Variants in PRKCA observed in about 807,000 individuals in gnomAD.
PRKCA encodes the protein protein kinase C alpha type.
Under a neutral mutation model 87.0 loss-of-function variants are expected in PRKCA, and 27 were observed. That is an observed-to-expected ratio of 0.31 (90% CI 0.23 to 0.43). PRKCA has a LOEUF of 0.43. Ranked by LOEUF, PRKCA falls within the 20% of genes least tolerant of loss-of-function variation. The probability of loss-of-function intolerance (pLI) is 1.00; values close to 1 mark genes in which losing one functional copy is unlikely to be tolerated. For missense variants in PRKCA, 518 were observed against 852.3 expected, an observed-to-expected ratio of 0.61 and a Z score of 4.88; for synonymous variants, 329 against 311.1, an observed-to-expected ratio of 1.06 and a Z score of -0.61.
At chr17:66,315,844 T>G (rs1001314073) in intron 2 of PRKCA, among the ~76,000 whole-genome samples, 1 of 152,250 alleles carries the variant, frequency 6.6e-6, no homozygotes, top group African/African-American at 2.4e-5. Context: ...GCTTATGGCC[T>G]GATACATGGA....
At chr17:66,620,728 A>G (rs988240535) in intron 3 of PRKCA, among the ~76,000 whole-genome samples, 1 of 152,208 alleles carries the variant, frequency 6.6e-6, no homozygotes, top group African/African-American at 2.4e-5. Context: ...TCCCATACAG[A>G]TAGCTCACTA....
At chr17:66,672,169 C>G (rs1972206215) in intron 5 of PRKCA, among the ~76,000 whole-genome samples, 1 of 152,230 alleles carries the variant, frequency 6.6e-6, no homozygotes, top group African/African-American at 2.4e-5. Context: ...TTAAGCTTCT[C>G]TGTTTCTAGA....
At chr17:66,496,771 G>A (rs1238468912) in intron 3 of PRKCA, among the ~76,000 whole-genome samples, 1 of 152,042 alleles carries the variant, frequency 6.6e-6, no homozygotes, top group Non-Finnish European at 1.5e-5. Flanking sequence ...AGCCTCCTGA[G>A]TAGCTGGCAC....
intron 14 of PRKCA, chr17:66,775,556 A>G (rs895411052): frequency 1.0e-6 from 1 of 985,316 alleles, no homozygotes; most frequent in Non-Finnish European, 1.2e-6. Context: ...TGCCGTGGGC[A>G]GCTTTTTATA....
chr17:66,692,354 G>A (rs572542390), intron 8 of PRKCA, among the ~76,000 whole-genome samples: 11 of 152,316 alleles, frequency 7.2e-5, no homozygotes, highest in East Asian at 3.9e-4. Flanking sequence ...AGAGGATGGC[G>A]TCAAAAAGAT....
intron 16 of PRKCA, among the ~76,000 whole-genome samples, chr17:66,793,367 A>T (rs564742469): frequency 6.6e-6 from 1 of 152,186 alleles, no homozygotes; most frequent in Admixed American, 6.5e-5. Flanking sequence ...AGGCAGGTGG[A>T]TCTCCTGAGG....
At chr17:66,752,573 G>A (rs1974461297) in intron 13 of PRKCA, among the ~76,000 whole-genome samples, 1 of 152,182 alleles carries the variant, frequency 6.6e-6, no homozygotes, top group African/African-American at 2.4e-5. Context: ...TCTCCAGCCT[G>A]GGCAACAGCA....
At chr17:66,685,610 T>G (rs1972605612) in intron 5 of PRKCA, among the ~76,000 whole-genome samples, 1 of 152,164 alleles carries the variant, frequency 6.6e-6, no homozygotes, top group Non-Finnish European at 1.5e-5. Context: ...GGCTGTTGGC[T>G]GGCAGGAGGC....
chr17:66,406,584 G>GTTTTTTTTTTTTT (rs1242757426), intron 2 of PRKCA, among the ~76,000 whole-genome samples: 106 of 21,258 alleles, frequency 5.0e-3, no homozygotes, highest in Non-Finnish European at 0.013. Flanking sequence ...AGCTTTTCCA[G>GTTTTTTTTTTTTT]GTTTTTTTTT....
At chr17:66,437,405 A>G (rs926970571) in intron 2 of PRKCA, among the ~76,000 whole-genome samples, 4 of 152,242 alleles carry the variant, frequency 2.6e-5, no homozygotes, top group African/African-American at 9.6e-5. Context: ...TTGTTTTTCA[A>G]ATGATAAGTT....
At chr17:66,360,855 C>G (rs998677993) in intron 2 of PRKCA, among the ~76,000 whole-genome samples, 2 of 152,086 alleles carry the variant, frequency 1.3e-5, no homozygotes, top group African/African-American at 2.4e-5. Flanking sequence ...GAGGAAGTCT[C>G]GAAGTGAAGA....
chr17:66,501,824 C>T (rs145196947), intron 3 of PRKCA, among the ~76,000 whole-genome samples: 7 of 152,272 alleles, frequency 4.6e-5, no homozygotes, highest in African/African-American at 1.4e-4. Flanking sequence ...AGAGTAGAGC[C>T]GTGGTTTTTG....
At chr17:66,521,651 T>C (rs1485351729) in intron 3 of PRKCA, among the ~76,000 whole-genome samples, 1 of 152,206 alleles carries the variant, frequency 6.6e-6, no homozygotes, top group African/African-American at 2.4e-5. Context: ...GCTGGATTCT[T>C]TAGTGTGTTA....
intron 8 of PRKCA, among the ~76,000 whole-genome samples, chr17:66,730,188 G>A (rs1223639123): frequency 1.3e-5 from 2 of 152,188 alleles, no homozygotes; most frequent in Non-Finnish European, 2.9e-5. Context: ...CAGCCAGAGA[G>A]CTGAGTGCAT....
At chr17:66,355,693 G>A (rs1908005297) in intron 2 of PRKCA, among the ~76,000 whole-genome samples, 1 of 152,014 alleles carries the variant, frequency 6.6e-6, no homozygotes, top group South Asian at 2.1e-4. Flanking sequence ...GCCCATTGCT[G>A]GTTTATTCAT....
intron 3 of PRKCA, among the ~76,000 whole-genome samples, chr17:66,588,654 T>C (rs1028112662): frequency 7.1e-5 from 10 of 141,174 alleles, no homozygotes; most frequent in Admixed American, 2.1e-4. Flanking sequence ...TTTTTTTTTT[T>C]TTTTTTTTGA....
At chr17:66,547,446 G>A (rs187944775) in intron 3 of PRKCA, among the ~76,000 whole-genome samples, 39 of 152,164 alleles carry the variant, frequency 2.6e-4, no homozygotes, top group Admixed American at 2.6e-3. Flanking sequence ...CATCTAGGAT[G>A]TCACCAGACT....
At chr17:66,375,021 C>T (rs1053905399) in intron 2 of PRKCA, among the ~76,000 whole-genome samples, 6 of 151,412 alleles carry the variant, frequency 4.0e-5, no homozygotes, top group African/African-American at 1.5e-4. Flanking sequence ...GCATGAGACA[C>T]CGCACCCGGC....
chr17:66,608,093 AAGCACACCGATTGG>A (rs887230804), intron 3 of PRKCA, among the ~76,000 whole-genome samples: 1 of 151,974 alleles, frequency 6.6e-6, no homozygotes, highest in Non-Finnish European at 1.5e-5. Flanking sequence ...GAATACATTG[AAGCACACCGATTGG>A]AGCACACCGA....
Sources: gnomAD v4.1 joint callset for allele counts (sites outside exome capture counted in the v4.1 genomes callset) on GRCh38, gnomAD v4.1.1 for gene constraint, MANE v1.5 for transcripts, NCBI Gene and HGNC (gene_info 2026-07-23, HGNC 2026-07-21) for gene names.